Variants in CTSK observed in about 807,000 individuals in gnomAD.
CTSK encodes the protein cathepsin O.
A neutral mutation model predicts 40.5 loss-of-function variants in CTSK; 26 were observed. That is an observed-to-expected ratio of 0.64 (90% CI 0.47 to 0.89). The LOEUF is 0.89. CTSK is among the 40% of genes least tolerant of loss of function. CTSK has a pLI of 0.00. For missense variants in CTSK, 292 were observed against 400.1 expected (o/e 0.73, Z 2.30); for synonymous variants, 132 against 143.2 (o/e 0.92, Z 0.56).
Position 150,804,060 on chromosome 1 carries a change from C to T in CTSK, c.579G>A (p.Arg193=). Residue 193 remains arginine (R), a synonymous_variant, in exon 5 of 8, where the codon CGG becomes CGA. Coordinates refer to ENST00000271651, the MANE Select transcript of CTSK (RefSeq NM_000396.4). ...TNAFQYVQKN[R]GIDSEDAYPY... Reference sequence around the variant, plus strand: ...GGTAGGCATCTTCAGAGTCAATACCCCGGTTCTTCTGCACATATTGGAAGG... The same window carrying T: ...GGTAGGCATCTTCAGAGTCAATACCTCGGTTCTTCTGCACATATTGGAAGG... 1 of 1,614,204 alleles carries T rather than the reference C, an allele frequency of 6.2e-7. No homozygotes were observed. The highest frequency in any genetic ancestry group is 2.2e-5 in the East Asian group (1 of 44,890).
At position 150,796,796 on chromosome 1, in the gene CTSK, G is replaced by C. The variant is rs200655276; in HGVS notation, c.*3C>G. The C allele has an allele frequency of 6.2e-7, 1 of 1,605,640 alleles. No homozygotes were observed. ...AGAGCAGGATGGATTTGGCTGGCTG[G>C]AGTCACATCTTGGGGAAGCTGGCCA... On this transcript the variant is annotated 3_prime_UTR_variant, in exon 8 of 8. Transcript: ENST00000271651.
intron 4 of CTSK, 104 bp from the exon 5 acceptor site, chr1:150,804,343 A>C: frequency 3.4e-6 from 3 of 893,730 alleles, no homozygotes; most frequent in Non-Finnish European, 5.5e-6. Context: ...ATTTCAGCAC[A>C]AATGTTGTCA....
At chr1:150,797,861 A>G (rs975695087) in intron 7 of CTSK, among the ~76,000 whole-genome samples, 14 of 152,166 alleles carry the variant, frequency 9.2e-5, no homozygotes, top group African/African-American at 3.4e-4. Flanking sequence ...GGGAGTCAAG[A>G]GAAGGGACAA....
At chr1:150,806,915 T>C in intron 1 of CTSK, 109 bp from the exon 2 acceptor site, 2 of 1,353,756 alleles carry the variant, frequency 1.5e-6, no homozygotes, top group Admixed American at 1.8e-5. Context: ...GATAAAACAA[T>C]GATAGTCAGG....
Position 150,805,841 on chromosome 1 carries a change from C to T in CTSK, c.399+20G>A. On this transcript the variant is annotated intron_variant, in intron 4 of 7. Coordinates refer to ENST00000271651, the MANE Select transcript of CTSK (RefSeq NM_000396.4). ...GGTCATGCCAGATTACATATGCACACCCAGAAGAAAGGAGAGTACCTGATT... is the reference window on the plus strand; with the variant it reads ...GGTCATGCCAGATTACATATGCACATCCAGAAGAAAGGAGAGTACCTGATT... The T allele has an allele frequency of 6.2e-7, 1 of 1,613,676 alleles. No individual in the cohort carries two copies. The highest frequency in any genetic ancestry group is 8.5e-7 in the Non-Finnish European group (1 of 1,179,834).
chr1:150,804,326 T>G, intron 4 of CTSK, 87 bp from the exon 5 acceptor site: 1 of 1,079,238 alleles, frequency 9.3e-7, no homozygotes, highest in Non-Finnish European at 1.4e-6. Flanking sequence ...TTCCATGTGT[T>G]CTAAAAATTT....
At chr1:150,804,345 ATGT>A (rs761829211) in intron 4 of CTSK, 106 bp from the exon 5 acceptor site, 19 of 883,788 alleles carry the variant, frequency 2.1e-5, no homozygotes, top group East Asian at 5.2e-5. Context: ...TTCAGCACAA[ATGT>A]TGTCATTGTT....
intron 4 of CTSK, among the ~76,000 whole-genome samples, chr1:150,804,661 T>C (rs779870619): frequency 6.6e-6 from 1 of 152,226 alleles, no homozygotes; most frequent in Non-Finnish European, 1.5e-5. Flanking sequence ...TTAGCTATTA[T>C]TGTTTGTGCA....
chr1:150,799,098 C>T (rs745977036), intron 7 of CTSK, 70 bp downstream of exon 7: 31 of 1,011,872 alleles, frequency 3.1e-5, no homozygotes, highest in Admixed American at 1.9e-4. Flanking sequence ...AAAGGAATAT[C>T]GGGAAGCTGG....
At chr1:150,801,953 C>T (rs1294773272) in intron 5 of CTSK, among the ~76,000 whole-genome samples, 4 of 151,988 alleles carry the variant, frequency 2.6e-5, no homozygotes, top group Non-Finnish European at 5.9e-5. Context: ...TTTTAAGAAT[C>T]GCTAAGAAAG....
chr1:150,798,966 T>G (rs1240665765), intron 7 of CTSK, among the ~76,000 whole-genome samples: 1 of 152,170 alleles, frequency 6.6e-6, no homozygotes, highest in Non-Finnish European at 1.5e-5. Context: ...GGTATTCTTT[T>G]GTGGCAATGC....
At chr1:150,807,403 TCTC>T (rs1275424344) in intron 1 of CTSK, 6 of 470,780 alleles carry the variant, frequency 1.3e-5, no homozygotes, top group Non-Finnish European at 2.6e-5. Context: ...ACATTGTATA[TCTC>T]CTCATTCTCC....
At chr1:150,807,466 A>G (rs1163741255) in intron 1 of CTSK, 5 of 452,796 alleles carry the variant, frequency 1.1e-5, no homozygotes, top group African/African-American at 4.1e-5. Context: ...TAGGCAGGAA[A>G]CTGCCCTAAT....
At chr1:150,804,361 G>A in intron 4 of CTSK, 122 bp from the exon 5 acceptor site, 1 of 789,154 alleles carries the variant, frequency 1.3e-6, no homozygotes, top group South Asian at 1.5e-5. Context: ...TCATTGTTGT[G>A]AGTCTTCCTC....
intron 5 of CTSK, among the ~76,000 whole-genome samples, chr1:150,801,830 C>T (rs934827314): frequency 4.6e-5 from 7 of 151,790 alleles, no homozygotes; most frequent in African/African-American, 9.7e-5. Flanking sequence ...TGAGCCACCG[C>T]GCCAGGCCTA....
chr1:150,803,188 GA>G (rs1654026044), intron 5 of CTSK, among the ~76,000 whole-genome samples: 1 of 152,164 alleles, frequency 6.6e-6, no homozygotes, highest in Admixed American at 6.5e-5. Flanking sequence ...GTTTGCAGAA[GA>G]TAAACATCCC....
In CTSK at chr1:150,799,607, G is replaced by C; in HGVS notation, c.721C>G (p.Arg241Gly). Residue 241 changes from arginine to glycine, a missense_variant, in exon 6 of 8, where the codon CGA becomes GGA. Physicochemically the swap from Arg to Gly is moderately radical, Grantham distance 125. Coordinates refer to ENST00000271651, the MANE Select transcript of CTSK (RefSeq NM_000396.4). Reference sequence around the variant, plus strand: ...ATGGCCACAGAGACAGGTCCCACTCGGGCCACTGCCCTCTTCAGGGCTTTC... The same window carrying C: ...ATGGCCACAGAGACAGGTCCCACTCCGGCCACTGCCCTCTTCAGGGCTTTC... ...NEKALKRAVA[R>G]VGPVSVAIDA... 6.2e-7 allele frequency: 1 copy of C among 1,614,130 alleles called. No individual in the cohort carries two copies. Among genetic ancestry groups the C allele is most frequent in the Non-Finnish European group, 8.5e-7 (1 of 1,180,020 alleles).
chr1:150,806,903 G>A, intron 1 of CTSK, 97 bp from the exon 2 acceptor site: 1 of 1,448,022 alleles, frequency 6.9e-7, no homozygotes, highest in Non-Finnish European at 9.6e-7. Context: ...CGGAAAAAGG[G>A]TGATAAAACA....
intron 5 of CTSK, 31 bp downstream of exon 5, chr1:150,803,990 A>T: frequency 6.4e-7 from 1 of 1,555,130 alleles, no homozygotes. Context: ...AGGAGCCAAC[A>T]GAGCTGTATA....
Sources: gnomAD v4.1 joint callset for allele counts (sites outside exome capture counted in the v4.1 genomes callset) on GRCh38, gnomAD v4.1.1 for gene constraint, MANE v1.5 for transcripts, NCBI Gene and HGNC (gene_info 2026-07-23, HGNC 2026-07-21) for gene names.